The following DSPP variants were observed in gnomAD, a reference collection of about 807,000 sequenced individuals.
DSPP encodes the protein deafness, autosomal dominant 39.
Under a neutral mutation model 29.1 loss-of-function variants are expected in DSPP, and 28 were observed. The ratio of observed to expected loss-of-function variants is 0.96; its 90% CI spans 0.71 to 1.32. The LOEUF (loss-of-function observed/expected upper bound fraction) is 1.32. DSPP is among the 40% of genes most tolerant of loss of function. DSPP has a pLI of 0.00. For synonymous variants in DSPP, 481 were observed against 503.4 expected, an observed-to-expected ratio of 0.96 and a Z score of 0.60; for missense variants, 1,281 against 1,629.9, an observed-to-expected ratio of 0.79 and a Z score of 3.69.
chr4:87,616,238 C>T lies in DSPP; in HGVS notation c.3576C>T (p.Ser1192=). ...DSSDSSDSSD[S]SDSSDSSDSS... is the part of the protein sequence containing the mutation. ...GCGACAGCAGTGATAGCAGTGACAG[C>T]AGCGACAGCAGCGATAGCAGCGACA... The change falls in exon 5 of 5, where the codon AGC becomes AGT. Residue 1192 remains serine, a synonymous_variant. Coordinates refer to ENST00000651931, the MANE Select transcript of DSPP (RefSeq NM_014208.3). 1 of 1,529,690 alleles carries T rather than the reference C, an allele frequency of 6.5e-7. No homozygotes were observed. The highest frequency in any genetic ancestry group is 2.5e-5 in the East Asian group (1 of 39,964). The allele number at this position is 1,529,690 out of a possible 1,614,324, so 94.8% of individuals were successfully genotyped here. A position where few individuals can be genotyped will look rare whatever the true frequency, so the allele number is the denominator to read the frequency against.
chr4:87,612,899 G>C lies in DSPP; in HGVS notation c.713G>C (p.Gly238Ala). ...ACACCAGGCACTGGAGAAGATGCTG[G>C]CCTGGATAATTCCGATGGGAGTCCT... ...EVTPGTGEDA[G>A]LDNSDGSPSG... The change falls in exon 4 of 5, where the codon GGC becomes GCC. Residue 238 changes from glycine (G) to alanine (A), a missense_variant. Coordinates refer to ENST00000651931, the MANE Select transcript of DSPP (RefSeq NM_014208.3). 1 of 1,614,170 alleles carries C rather than the reference G, an allele frequency of 6.2e-7. No individual in the cohort carries two copies. Among genetic ancestry groups the C allele is most frequent in the Non-Finnish European group, 8.5e-7 (1 of 1,180,030 alleles).
chr4:87,610,776 C>T (rs557482020), intron 1 of DSPP, 105 bp from the exon 2 acceptor site: 1 of 763,452 alleles, frequency 1.3e-6, no homozygotes. Context: ...TAGATACATG[C>T]TTCTTGTCCA....
At chr4:87,609,502 TG>T (rs1256803982) in intron 1 of DSPP, among the ~76,000 whole-genome samples, 1 of 152,204 alleles carries the variant, frequency 6.6e-6, no homozygotes, top group East Asian at 1.9e-4. Flanking sequence ...CTTGTCCTGG[TG>T]TCACCTCAGC....
chr4:87,615,511 G>A lies in DSPP; in HGVS notation c.2849G>A (p.Ser950Asn). Reference sequence around the variant, plus strand: ...AGTGACAGCAGTGATAGCAGTGACAGCAGTAATAGTAGTGACAGCAGCAAT... The same window carrying A: ...AGTGACAGCAGTGATAGCAGTGACAACAGTAATAGTAGTGACAGCAGCAAT... Reference protein sequence around the residue: ...NSSDSSDSSDSSNSSDSSNSS... With the variant: ...NSSDSSDSSDNSNSSDSSNSS... Residue 950 changes from serine to asparagine, a missense_variant, in exon 5 of 5, where the codon AGC (serine) becomes AAC (asparagine). Physicochemically the swap from Ser to Asn is conservative, Grantham distance 46. Coordinates refer to ENST00000651931, the MANE Select transcript of DSPP (RefSeq NM_014208.3). 1.3e-6 allele frequency: 2 copies of A among 1,543,788 alleles called. No homozygotes were observed. Among genetic ancestry groups the A allele is most frequent in the South Asian group, 1.2e-5 (1 of 83,558 alleles).
chr4:87,616,206 G>C lies in DSPP; in HGVS notation c.3544G>C (p.Asp1182His). 6.5e-7 allele frequency: 1 copy of C among 1,543,946 alleles called. No individual in the cohort carries two copies. Among genetic ancestry groups the C allele is most frequent in the South Asian group, 1.2e-5 (1 of 82,998 alleles). Residue 1182 changes from aspartate (D) to histidine (H), a missense_variant, in exon 5 of 5, where the codon GAT (aspartate) becomes CAT (histidine). By Grantham distance (81) the Asp-to-His change is moderately conservative. Coordinates refer to ENST00000651931, the MANE Select transcript of DSPP (RefSeq NM_014208.3). The part of the protein sequence containing the change: ...SDSSDSSNSS[D>H]SSDSSDSSDS... ...TAGCAGTGACAGCAGCAATAGCAGT[G>C]ATAGCAGCGACAGCAGTGATAGCAG...
chr4:87,614,026 TTGA>T lies in DSPP; in HGVS notation c.1369_1371del (p.Asp457del). On this transcript the variant is annotated inframe_deletion, in exon 5 of 5. Transcript: ENST00000651931. ...AGTGATGGATATGACAGTTATGATT[TTGA>T]TGATAAGTCCATGCAAGGAGATGAT... 6.2e-7 allele frequency: 1 copy of T among 1,614,216 alleles called. No homozygotes were observed.
chr4:87,615,567 A>G lies in DSPP; in HGVS notation c.2905A>G (p.Ser969Gly). The change falls in exon 5 of 5, where the codon AGT (serine) becomes GGT (glycine). Residue 969 changes from serine to glycine, a missense_variant. Transcript: ENST00000651931. The part of the protein sequence containing the change: ...SSDSSNSSDS[S>G]DSNSSDSSDS... Reference sequence around the variant, plus strand: ...TGACAGCAGCAACAGCAGTGACAGCAGTGATAGCAATAGCAGCGACAGCAG... The same window carrying G: ...TGACAGCAGCAACAGCAGTGACAGCGGTGATAGCAATAGCAGCGACAGCAG... 1 of 1,548,820 alleles carries G rather than the reference A, an allele frequency of 6.5e-7. No homozygotes were observed. Among genetic ancestry groups the G allele is most frequent in the East Asian group, 2.5e-5 (1 of 40,760 alleles).
In DSPP at chr4:87,612,546, T is replaced by A; in HGVS notation, c.360T>A (p.Gly120=). 1 of 1,614,036 alleles carries A rather than the reference T, an allele frequency of 6.2e-7. No individual in the cohort carries two copies. Among genetic ancestry groups the A allele is most frequent in the Non-Finnish European group, 8.5e-7 (1 of 1,179,938 alleles). The change falls in exon 4 of 5, where the codon GGT becomes GGA. Residue 120 remains glycine, a synonymous_variant. Coordinates refer to ENST00000651931, the MANE Select transcript of DSPP (RefSeq NM_014208.3). The part of the protein sequence containing the change: ...NGDTGKAETY[G]HDGIHGKEEN... ...ACACAGGAAAAGCAGAAACATATGG[T>A]CATGATGGAATACATGGGAAAGAAG...
Position 87,614,932 on chromosome 4 carries a change from A to G in DSPP, c.2270A>G (p.Asp757Gly), listed in dbSNP as rs1336578023. 5.2e-6 allele frequency: 8 copies of G among 1,550,964 alleles called. No individual in the cohort carries two copies. The highest frequency in any genetic ancestry group is 1.4e-5 in the African/African-American group (1 of 72,940). ...SDSSNSSDSS[D>G]SSDSSNSSDS... ...AGCAGCAACAGCAGTGACAGTAGCGATAGCAGTGACAGCAGCAACAGCAGT... is the reference window on the plus strand; with the variant it reads ...AGCAGCAACAGCAGTGACAGTAGCGGTAGCAGTGACAGCAGCAACAGCAGT... Residue 757 changes from aspartate to glycine, a missense_variant, in exon 5 of 5, where the codon GAT (aspartate) becomes GGT (glycine). Asp to Gly is a moderately conservative substitution (Grantham distance 94, BLOSUM62 -1). Transcript: ENST00000651931.
chr4:87,609,624 C>T (rs938475766), intron 1 of DSPP, among the ~76,000 whole-genome samples: 4 of 152,180 alleles, frequency 2.6e-5, no homozygotes, highest in Non-Finnish European at 5.9e-5. Flanking sequence ...GGAACTGTGT[C>T]ATCTCTCCTG....
chr4:87,614,827 A>T lies in DSPP; in HGVS notation c.2165A>T (p.Asn722Ile). ...GATAGTAGTGACAGCAGTAATAGTA[A>T]CAGCAGCGATAGTGACAGCAGCAAC... ...SSDSSDSSNS[N>I]SSDSDSSNSS... is the part of the protein sequence containing the mutation. The change falls in exon 5 of 5, where the codon AAC (asparagine) becomes ATC (isoleucine). Residue 722 changes from asparagine (N) to isoleucine (I), a missense_variant. Coordinates refer to ENST00000651931, the MANE Select transcript of DSPP (RefSeq NM_014208.3). The T allele has an allele frequency of 6.5e-7, 1 of 1,545,122 alleles. No homozygotes were observed. Among genetic ancestry groups the T allele is most frequent in the African/African-American group, 1.4e-5 (1 of 70,756 alleles).
rs1727866715 is a variant in DSPP, at chr4:87,615,461, C to G, written c.2799C>G (p.Ser933Arg). The G allele has an allele frequency of 1.3e-6, 2 of 1,549,978 alleles. No homozygotes were observed. The highest frequency in any genetic ancestry group is 2.8e-5 in the African/African-American group (2 of 72,326). Reference protein sequence around the residue: ...SSESSNSSDNSNSSDSSNSSD... With the variant: ...SSESSNSSDNRNSSDSSNSSD... Reference sequence around the variant, plus strand: ...AAAGCAGTAATAGTAGTGACAACAGCAATAGCAGTGACAGCAGCAACAGCA... The same window carrying G: ...AAAGCAGTAATAGTAGTGACAACAGGAATAGCAGTGACAGCAGCAACAGCA... Residue 933 changes from serine (S) to arginine (R), a missense_variant, in exon 5 of 5, where the codon AGC becomes AGG. By Grantham distance (110) the Ser-to-Arg change is moderately radical. Transcript: ENST00000651931.
chr4:87,615,067 ATAG>A lies in DSPP; in HGVS notation c.2406_2408del (p.Ser804del), dbSNP rs1727842688. The A allele has an allele frequency of 1.9e-6, 3 of 1,550,786 alleles. No homozygotes were observed. Among genetic ancestry groups the A allele is most frequent in the Admixed American group, 2.0e-5 (1 of 50,916 alleles). On this transcript the variant is annotated inframe_deletion, in exon 5 of 5. Transcript: ENST00000651931. Reference sequence around the variant, plus strand: ...AGCAGTGATAGCAGCAACAGCAGTGATAGCAGCAACAGCAGTGATAGCAGTGAT... The same window carrying A: ...AGCAGTGATAGCAGCAACAGCAGTGACAGCAACAGCAGTGATAGCAGTGAT...
At chr4:87,609,593 T>A (rs1354353171) in intron 1 of DSPP, among the ~76,000 whole-genome samples, 2 of 152,182 alleles carry the variant, frequency 1.3e-5, no homozygotes, top group Non-Finnish European at 2.9e-5. Context: ...AATGAGCACT[T>A]TTTTCCCCCT....
intron 1 of DSPP, among the ~76,000 whole-genome samples, chr4:87,609,770 T>G (rs1483182702): frequency 6.6e-6 from 1 of 152,210 alleles, no homozygotes; most frequent in South Asian, 2.1e-4. Context: ...TGGGAGTTCA[T>G]GAAATAGGAG....
chr4:87,611,638 G>A (rs1405016977), intron 2 of DSPP, among the ~76,000 whole-genome samples: 1 of 152,102 alleles, frequency 6.6e-6, no homozygotes, highest in Non-Finnish European at 1.5e-5. Context: ...ATGTGCTCTT[G>A]CAGAGCACAG....
rs1727812900 is a variant in DSPP at position 87,614,501 on chromosome 4, T to C, written c.1839T>C (p.Ser613=). The C allele has an allele frequency of 1.3e-6, 2 of 1,544,628 alleles. No individual in the cohort carries two copies. ...GTGACAGCAGTGATAGCAGTGACAGTAGTGATAGTAGTGACAGCAGTGACA... is the reference window on the plus strand; with the variant it reads ...GTGACAGCAGTGATAGCAGTGACAGCAGTGATAGTAGTGACAGCAGTGACA... ...DSSDSSDSSD[S]SDSSDSSDSK... is the part of the protein sequence containing the mutation. Residue 613 remains serine (S), a synonymous_variant, in exon 5 of 5, where the codon AGT becomes AGC. Coordinates refer to ENST00000651931, the MANE Select transcript of DSPP (RefSeq NM_014208.3).
Position 87,613,004 on chromosome 4 carries a change from G to A in DSPP, c.818G>A (p.Ser273Asn). ...EDEEAGNGKD[S>N]SNNSKGQEGQ... ...GAAGAAGCAGGGAATGGAAAAGACA[G>A]TAGTAATAACAGCAAGGGCCAGGAG... The change falls in exon 4 of 5, where the codon AGT (serine) becomes AAT (asparagine). Residue 273 changes from serine (S) to asparagine (N), a missense_variant. By Grantham distance (46) the Ser-to-Asn change is conservative (BLOSUM62 1). Coordinates refer to ENST00000651931, the MANE Select transcript of DSPP (RefSeq NM_014208.3). The A allele has an allele frequency of 6.2e-6, 10 of 1,614,166 alleles. No homozygotes were observed. Among genetic ancestry groups the A allele is most frequent in the Non-Finnish European group, 8.5e-6 (10 of 1,180,036 alleles).
At position 87,616,211 on chromosome 4, in the gene DSPP, C is replaced by A. The variant is rs1369634949; in HGVS notation, c.3549C>A (p.Ser1183Arg). ...DSSDSSNSSD[S>R]SDSSDSSDSS... ...GTGACAGCAGCAATAGCAGTGATAGCAGCGACAGCAGTGATAGCAGTGACA... is the reference window on the plus strand; with the variant it reads ...GTGACAGCAGCAATAGCAGTGATAGAAGCGACAGCAGTGATAGCAGTGACA... Residue 1183 changes from serine (S) to arginine (R), a missense_variant, in exon 5 of 5, where the codon AGC becomes AGA. Transcript: ENST00000651931. The A allele has an allele frequency of 6.5e-7, 1 of 1,542,322 alleles. No homozygotes were observed. The highest frequency in any genetic ancestry group is 2.0e-5 in the Admixed American group (1 of 50,410).
Sources: allele counts gnomAD v4.1 joint callset (sites outside exome capture counted in the v4.1 genomes callset), GRCh38; gene constraint gnomAD v4.1.1; transcripts MANE v1.5; gene names NCBI Gene and HGNC (gene_info 2026-07-23, HGNC 2026-07-21).